The following FREM1 variants were observed in gnomAD, a reference collection of about 807,000 sequenced individuals.
The protein encoded by FREM1 is FRAS1 related extracellular matrix 1.
Under a neutral mutation model 210.1 loss-of-function variants are expected in FREM1, and 220 were observed. The ratio of observed to expected loss-of-function variants is 1.05; its 90% CI spans 0.94 to 1.17. The LOEUF (loss-of-function observed/expected upper bound fraction) is 1.17, where lower values mean the gene tolerates loss of function less well. FREM1 is among the 50% of genes most tolerant of loss of function. FREM1 has a pLI of 0.00. For synonymous variants in FREM1, 1,189 were observed against 980.2 expected, an observed-to-expected ratio of 1.21 and a Z score of -3.98; for missense variants, 3,454 against 2,675.5, an observed-to-expected ratio of 1.29 and a Z score of -6.42.
In FREM1 at chr9:14,747,360, T is replaced by A; in HGVS notation, c.5913A>T (p.Val1971=). The A allele has an allele frequency of 6.2e-7, 1 of 1,613,792 alleles. No homozygotes were observed. Residue 1971 remains valine (V), a synonymous_variant, in exon 33 of 37, where the codon GTA becomes GTT. Transcript: ENST00000380880. ...TCTTTTGTGGCTGACTAATGATGGA[T>A]ACTTTGGCCTTCCTTTTGTGAGTTG... The part of the protein sequence containing the change: ...SFPTHKRKAK[V]SIISQPQKTI...
rs112811093 is a variant in FREM1, at chr9:14,906,609, T to G, written c.-268+3305A>C. ...TGCGGTATCTATCCTTTCTGCAATC[T>G]TCCTAACTTTACTGTGGTTTGAGTT... On this transcript the variant is annotated intron_variant, in intron 1 of 36. Coordinates refer to ENST00000380880, the MANE Select transcript of FREM1 (RefSeq NM_001379081.2). Among the ~76,000 whole-genome samples the G allele has an allele frequency of 9.4e-3, 1,432 of 152,350 alleles. 26 individuals carry two copies. The highest frequency in any genetic ancestry group is 0.033 in the African/African-American group (1,355 of 41,584).
In FREM1 at chr9:14,759,727, A is replaced by G. The variant is rs7045154; in HGVS notation, c.5334+45T>C. On this transcript the variant is annotated intron_variant, in intron 28 of 36. Transcript: ENST00000380880. ...AAAATATAATGAAAGACACCAAAGA[A>G]CAACATAAGTTTTAGCTTGATAATT... is the stretch of plus-strand genomic sequence containing the variant. The G allele has an allele frequency of 1, 1,474,985 of 1,481,338 alleles. 734,573 individuals are homozygous for G. Among genetic ancestry groups the G allele is most frequent in the East Asian group, 1 (41,710 of 41,710 alleles). The allele number at this position is 1,481,338 out of a possible 1,614,324, so 91.8% of individuals were successfully genotyped here. A position where few individuals can be genotyped will look rare whatever the true frequency, so the allele number is the denominator to read the frequency against.
chr9:14,810,753 C>A (rs1381526355), intron 16 of FREM1, among the ~76,000 whole-genome samples: 6 of 152,158 alleles, frequency 3.9e-5, no homozygotes, highest in Admixed American at 2.0e-4. Context: ...TGCAAAGCTG[C>A]ATATGTTACA....
Position 14,869,147 on chromosome 9 carries a change from G to A in FREM1, c.-170C>T. ...CCCTTTCATTTCAAAGTCAGACAAG[G>A]GGGCCTTTCAGGCAATCCCAGGGCT... On this transcript the variant is annotated 5_prime_UTR_variant, in exon 2 of 37. Transcript: ENST00000380880. 1.8e-6 allele frequency: 1 copy of A among 549,630 alleles called. No homozygotes were observed. 34.0% of individuals were successfully genotyped at this position (549,630 alleles called of 1,614,324 possible). A position where few individuals can be genotyped will look rare whatever the true frequency, so the allele number is the denominator to read the frequency against.
At chr9:14,887,880 C>A (rs932656486) in intron 1 of FREM1, among the ~76,000 whole-genome samples, 1 of 152,170 alleles carries the variant, frequency 6.6e-6, no homozygotes, top group African/African-American at 2.4e-5. Flanking sequence ...TCACTGCAAC[C>A]TCCACCTCCT....
At chr9:14,894,501 G>A (rs1227798945) in intron 1 of FREM1, among the ~76,000 whole-genome samples, 2 of 152,226 alleles carry the variant, frequency 1.3e-5, no homozygotes, top group African/African-American at 4.8e-5. Context: ...CATTAGAATA[G>A]AGGAAAGCAA....
rs73644847 is a variant in FREM1 at position 14,759,777 on chromosome 9, T to C, written c.5329A>G (p.Ile1777Val). Residue 1777 changes from isoleucine to valine, a missense_variant, in exon 28 of 37, where the codon ATA (isoleucine) becomes GTA (valine). Coordinates refer to ENST00000380880, the MANE Select transcript of FREM1 (RefSeq NM_001379081.2). Reference protein sequence around the residue: ...GYSMDSAFVGIKVNQVSAAVG... With the variant: ...GYSMDSAFVGVKVNQVSAAVG... Reference sequence around the variant, plus strand: ...TTACATTTCAGAGTCATTACCTTTATACCCACAAAGGCCGAGTCCATGGAA... The same window carrying C: ...TTACATTTCAGAGTCATTACCTTTACACCCACAAAGGCCGAGTCCATGGAA... 6.9e-4 allele frequency: 1,108 copies of C among 1,606,618 alleles called. 9 individuals carry two copies. In the African/African-American group the frequency reaches 0.013, roughly 18 times the overall value.
intron 4 of FREM1, among the ~76,000 whole-genome samples, chr9:14,858,073 C>T (rs759980122): frequency 4.6e-5 from 7 of 152,172 alleles, no homozygotes; most frequent in African/African-American, 7.2e-5. Context: ...CACAGTCTAG[C>T]TCCAGTCTTT....
chr9:14,824,771 G>A, intron 11 of FREM1, 25 bp downstream of exon 11: 1 of 1,550,824 alleles, frequency 6.4e-7, no homozygotes. Flanking sequence ...AGAACTAGTA[G>A]CCCAAATGGT....
At position 14,863,891 on chromosome 9, in the gene FREM1, G is replaced by T; in HGVS notation, c.247C>A (p.His83Asn). Residue 83 changes from histidine to asparagine, a missense_variant, in exon 3 of 37, where the codon CAT becomes AAT. Coordinates refer to ENST00000380880, the MANE Select transcript of FREM1 (RefSeq NM_001379081.2). ...GKLTPQVFDC[H>N]FLPNEVKYVH... ...TACTTGACTTCGTTGGGAAGGAAATGGCAGTCAAAGACCTAGTTCACATGA... is the reference window on the plus strand; with the variant it reads ...TACTTGACTTCGTTGGGAAGGAAATTGCAGTCAAAGACCTAGTTCACATGA... The T allele has an allele frequency of 6.2e-7, 1 of 1,605,386 alleles. No homozygotes were observed. The highest frequency in any genetic ancestry group is 8.5e-7 in the Non-Finnish European group (1 of 1,172,210).
intron 1 of FREM1, among the ~76,000 whole-genome samples, chr9:14,876,694 G>A (rs2381976): frequency 0.051 from 7,680 of 152,070 alleles, 231 homozygotes; most frequent in East Asian, 0.13. Context: ...ACTGTCCTGC[G>A]CCCACTGTCT....
chr9:14,893,433 G>C (rs549976612), intron 1 of FREM1, among the ~76,000 whole-genome samples: 4 of 152,326 alleles, frequency 2.6e-5, no homozygotes, highest in Admixed American at 2.6e-4. Flanking sequence ...TTGGGAGCTT[G>C]ATCTTGTAAC....
At chr9:14,753,681 T>C (rs1418892291) in intron 29 of FREM1, among the ~76,000 whole-genome samples, 1 of 152,052 alleles carries the variant, frequency 6.6e-6, no homozygotes, top group Non-Finnish European at 1.5e-5. Context: ...TTTCCCTTGG[T>C]AAAAGGGGTG....
chr9:14,860,984 C>CATATATACAT (rs1198162690), intron 3 of FREM1, among the ~76,000 whole-genome samples: 1 of 117,674 alleles, frequency 8.5e-6, no homozygotes, highest in Non-Finnish European at 1.5e-5. Flanking sequence ...CATATATACA[C>CATATATACAT]ATATATACAT....
At chr9:14,806,012 C>T (rs937147964) in intron 18 of FREM1, among the ~76,000 whole-genome samples, 2 of 152,174 alleles carry the variant, frequency 1.3e-5, no homozygotes, top group African/African-American at 4.8e-5. Context: ...AGAATGAGAC[C>T]TTGTGAGCTC....
Position 14,850,252 on chromosome 9 carries a change from G to A in FREM1, c.1152+1032C>T, listed in dbSNP as rs536580565. On this transcript the variant is annotated intron_variant, in intron 6 of 36. Coordinates refer to ENST00000380880, the MANE Select transcript of FREM1 (RefSeq NM_001379081.2). ...GAGAGAGGTGGAACCTGCAGCAAAAGGAAATTAGATAGAAGTAGGACCTTC... is the reference window on the plus strand; with the variant it reads ...GAGAGAGGTGGAACCTGCAGCAAAAAGAAATTAGATAGAAGTAGGACCTTC... Among the ~76,000 whole-genome samples, 40 of 152,232 alleles carry A rather than the reference G, an allele frequency of 2.6e-4. No homozygotes were observed. In the South Asian group the frequency reaches 6.8e-3, roughly 26 times the overall value.
In FREM1 at chr9:14,808,060, C is replaced by T. The variant is rs78961274; in HGVS notation, c.2968G>A (p.Val990Met). The T allele has an allele frequency of 3.1e-6, 5 of 1,613,558 alleles. No homozygotes were observed. The African/African-American group carries it at 5.3e-5, about 17-fold the overall frequency. Residue 990 changes from valine (V) to methionine (M), a missense_variant, in exon 17 of 37, where the codon GTG (valine) becomes ATG (methionine). By Grantham distance (21) the Val-to-Met change is conservative. Transcript: ENST00000380880. ...VVSDGEAGPF[V>M]NGCCYNGPNP... is the part of the protein sequence containing the mutation. ...GGTCCATTGTAGCAACAGCCATTCA[C>T]AAAAGGGCCAGCCTCTCCATCCGAA...
intron 27 of FREM1, among the ~76,000 whole-genome samples, chr9:14,765,203 T>A (rs1846174360): frequency 6.6e-6 from 1 of 152,234 alleles, no homozygotes; most frequent in South Asian, 2.1e-4. Context: ...TCATAGATGA[T>A]GCTATTAAAC....
intron 19 of FREM1, among the ~76,000 whole-genome samples, chr9:14,803,743 T>A (rs530739427): frequency 3.9e-5 from 6 of 152,148 alleles, no homozygotes; most frequent in Non-Finnish European, 5.9e-5. Flanking sequence ...TTATTGAACA[T>A]GTGTTAACAA....
Sources: gnomAD v4.1 joint callset for allele counts (sites outside exome capture counted in the v4.1 genomes callset) on GRCh38, gnomAD v4.1.1 for gene constraint, MANE v1.5 for transcripts, NCBI Gene and HGNC (gene_info 2026-07-23, HGNC 2026-07-21) for gene names.